The following ATP8A2 variants were observed in gnomAD, a reference collection of about 807,000 sequenced individuals.
The protein encoded by ATP8A2 is ATPase phospholipid transporting 8A2, also known as phospholipid-transporting ATPase IB.
In ATP8A2, 100 loss-of-function variants were observed where a neutral mutation model predicts 165.6. That is an observed-to-expected ratio of 0.60 (90% CI 0.51 to 0.71). The LOEUF is 0.71. Ranked by LOEUF, ATP8A2 falls within the 30% of genes least tolerant of loss-of-function variation. The pLI is 0.00. For missense variants in ATP8A2, 1,227 were observed against 1,479.5 expected, an observed-to-expected ratio of 0.83 and a Z score of 2.80; for synonymous variants, 543 against 548.8, an observed-to-expected ratio of 0.99 and a Z score of 0.15.
At chr13:25,497,885 C>CTGG (rs1235746471) in intron 2 of ATP8A2, among the ~76,000 whole-genome samples, 1 of 152,042 alleles carries the variant, frequency 6.6e-6, no homozygotes, top group Non-Finnish European at 1.5e-5. Flanking sequence ...TGGCATGAAC[C>CTGG]TGGGAGGCAG....
At chr13:25,517,077 G>C (rs1256253955) in intron 2 of ATP8A2, 1 of 140,210 alleles carries the variant, frequency 7.1e-6, no homozygotes, top group African/African-American at 2.7e-5. Flanking sequence ...CACCGTGCCT[G>C]GTCACATTTT....
At chr13:25,690,316 C>T (rs556326947) in intron 24 of ATP8A2, among the ~76,000 whole-genome samples, 34 of 152,108 alleles carry the variant, frequency 2.2e-4, no homozygotes, top group African/African-American at 8.2e-4. Context: ...ATGCATCTCA[C>T]TTCCTAAATC....
At chr13:25,693,899 T>C (rs2042781540) in intron 24 of ATP8A2, among the ~76,000 whole-genome samples, 1 of 151,262 alleles carries the variant, frequency 6.6e-6, no homozygotes, top group Non-Finnish European at 1.5e-5. Context: ...GGAGTCTTGC[T>C]CTGTTGCCCA....
chr13:25,616,041 T>G (rs1193319678), intron 24 of ATP8A2, among the ~76,000 whole-genome samples: 1 of 152,170 alleles, frequency 6.6e-6, no homozygotes, highest in Non-Finnish European at 1.5e-5. Context: ...AAGTGGGAAC[T>G]GCAAGTTAGT....
intron 25 of ATP8A2, among the ~76,000 whole-genome samples, chr13:25,734,307 A>G (rs1285467335): frequency 6.6e-6 from 1 of 152,236 alleles, no homozygotes; most frequent in Admixed American, 6.5e-5. Context: ...GAGCTAGGCC[A>G]TTGCTGAGAC....
At chr13:25,608,229 A>T (rs2040568451) in intron 24 of ATP8A2, among the ~76,000 whole-genome samples, 1 of 152,216 alleles carries the variant, frequency 6.6e-6, no homozygotes, top group Admixed American at 6.5e-5. Context: ...GGGAACAGGT[A>T]TGCCAAGAGG....
intron 18 of ATP8A2, among the ~76,000 whole-genome samples, chr13:25,574,386 T>G (rs948151404): frequency 6.6e-6 from 1 of 152,236 alleles, no homozygotes; most frequent in African/African-American, 2.4e-5. Context: ...CATTTCCTGA[T>G]ATGCATACAT....
At chr13:25,420,480 G>A (rs1369463686) in intron 1 of ATP8A2, among the ~76,000 whole-genome samples, 1 of 152,164 alleles carries the variant, frequency 6.6e-6, no homozygotes, top group African/African-American at 2.4e-5. Context: ...TTATTACATT[G>A]AACAATAGAT....
intron 1 of ATP8A2, among the ~76,000 whole-genome samples, chr13:25,419,581 CAGA>C (rs907401234): frequency 1.3e-5 from 2 of 152,156 alleles, no homozygotes; most frequent in African/African-American, 4.8e-5. Context: ...TTTCCAGGAA[CAGA>C]AGAAGTGCCA....
chr13:25,955,800 A>T (rs902600026), intron 33 of ATP8A2, among the ~76,000 whole-genome samples: 3 of 152,250 alleles, frequency 2.0e-5, no homozygotes, highest in Non-Finnish European at 4.4e-5. Context: ...TCCTGATACC[A>T]AAACCTGGCA....
intron 24 of ATP8A2, among the ~76,000 whole-genome samples, chr13:25,611,902 A>ACATGT (rs1193866354): frequency 1.3e-5 from 2 of 152,042 alleles, no homozygotes; most frequent in African/African-American, 4.8e-5. Context: ...TATCTCCTCT[A>ACATGT]AGTTTTCCAG....
rs534009112 is a variant in ATP8A2, at chr13:25,640,953, C to T, written c.2211+51254C>T. Among the ~76,000 whole-genome samples the T allele has an allele frequency of 1.5e-3, 234 of 152,230 alleles. 1 individual carries two copies. Among genetic ancestry groups the T allele is most frequent in the African/African-American group, 5.2e-3 (214 of 41,536 alleles). ...TGGGATGCAAGGCTGGTTCAACATA[C>T]GCAAATCAATAAATGTAATCCAGCA... On this transcript the variant is annotated intron_variant, in intron 24 of 36. Transcript: ENST00000381655.
intron 24 of ATP8A2, among the ~76,000 whole-genome samples, chr13:25,672,642 T>A (rs562904550): frequency 1.3e-5 from 2 of 152,328 alleles, no homozygotes; most frequent in East Asian, 3.9e-4. Context: ...CTAAATTTAT[T>A]CTGTCAGCGT....
At chr13:25,544,515 A>AT (rs2038583108) in intron 10 of ATP8A2, among the ~76,000 whole-genome samples, 2 of 152,124 alleles carry the variant, frequency 1.3e-5, no homozygotes, top group South Asian at 2.1e-4. Flanking sequence ...GAGAGATGGG[A>AT]TTAGAAGGGT....
At position 25,485,134 on chromosome 13, in the gene ATP8A2, G is replaced by A. The variant is rs527772287; in HGVS notation, c.221+16013G>A. On this transcript the variant is annotated intron_variant, in intron 2 of 36. Transcript: ENST00000381655. ...AATAATTTCACATAATGACGATGCC[G>A]TGGTAAGGCAGAAACATGAACTTCT... is the stretch of plus-strand genomic sequence containing the variant. Among the ~76,000 whole-genome samples, 99 of 152,332 alleles carry A rather than the reference G, an allele frequency of 6.5e-4. 1 individual carries two copies. The highest frequency in any genetic ancestry group is 3.4e-3 in the Middle Eastern group (1 of 294).
intron 1 of ATP8A2, among the ~76,000 whole-genome samples, chr13:25,401,696 A>G (rs2033641912): frequency 3.3e-5 from 5 of 152,116 alleles, no homozygotes. Context: ...GGTACCGGAA[A>G]CCTCGGATGG....
intron 1 of ATP8A2, among the ~76,000 whole-genome samples, chr13:25,385,022 A>G (rs966103429): frequency 9.2e-5 from 14 of 152,280 alleles, no homozygotes; most frequent in Middle Eastern, 3.4e-3. Flanking sequence ...AAGCAGCTCC[A>G]TGTTCCATAA....
chr13:25,908,365 T>A (rs1217102236), intron 33 of ATP8A2, among the ~76,000 whole-genome samples: 6 of 152,214 alleles, frequency 3.9e-5, no homozygotes, highest in Non-Finnish European at 8.8e-5. Flanking sequence ...CAGCTGGGAT[T>A]ACAGAGGAAA....
intron 33 of ATP8A2, among the ~76,000 whole-genome samples, chr13:25,957,186 C>T (rs940833370): frequency 2.0e-5 from 3 of 152,158 alleles, no homozygotes; most frequent in East Asian, 3.9e-4. Flanking sequence ...AAAACCTAGG[C>T]AATGCCATTC....
Sources: gnomAD v4.1 joint callset for allele counts (sites outside exome capture counted in the v4.1 genomes callset) on GRCh38, gnomAD v4.1.1 for gene constraint, MANE v1.5 for transcripts, NCBI Gene and HGNC (gene_info 2026-07-23, HGNC 2026-07-21) for gene names.